Variants in QPRT observed in about 807,000 individuals in gnomAD.
QPRT encodes quinolinate phosphoribosyltransferase.
Under a neutral mutation model 19.8 loss-of-function variants are expected in QPRT, and 17 were observed. The ratio of observed to expected loss-of-function variants is 0.86; its 90% CI spans 0.59 to 1.29. QPRT has a LOEUF of 1.29. QPRT is among the 50% of genes most tolerant of loss of function. The probability of loss-of-function intolerance (pLI) is 0.00; values close to 1 mark genes in which losing one functional copy is unlikely to be tolerated. For synonymous variants in QPRT, 178 were observed against 191.0 expected (o/e 0.93, Z 0.56); for missense variants, 336 against 405.1 (o/e 0.83, Z 1.46).
chr16:29,679,421 C>T (rs1966924741), intron 1 of QPRT, among the ~76,000 whole-genome samples: 1 of 152,110 alleles, frequency 6.6e-6, no homozygotes, highest in Admixed American at 6.6e-5. Context: ...TGTGTTGAGT[C>T]CCCAAGGAGC....
chr16:29,690,983 C>G lies in QPRT; in HGVS notation c.14-3681C>G, dbSNP rs371667570. On this transcript the variant is annotated intron_variant, in intron 1 of 3. Transcript: ENST00000395384. ...GAATTACGGCGTGAGCCATGGTGCC[C>G]AGCCTGCATCACAGGTTGTTTACCC... Among the ~76,000 whole-genome samples, 39 of 152,140 alleles carry G rather than the reference C, an allele frequency of 2.6e-4. No homozygotes were observed. The South Asian group carries it at 8.1e-3, about 32-fold the overall frequency.
In QPRT at chr16:29,688,238, AC is replaced by A. The variant is rs1967219046; in HGVS notation, c.14-6424del. Among the ~76,000 whole-genome samples the A allele has an allele frequency of 2.6e-5, 4 of 151,994 alleles. No homozygotes were observed. The South Asian group carries it at 6.2e-4, about 24-fold the overall frequency. Reference sequence around the variant, plus strand: ...TGGGGGTTGGGGGTATTCTGACAAGACCAACCTAAAGGGATTCTTGCTGAGG... The same window carrying A: ...TGGGGGTTGGGGGTATTCTGACAAGACAACCTAAAGGGATTCTTGCTGAGG... On this transcript the variant is annotated intron_variant, in intron 1 of 3. Transcript: ENST00000395384.
intron 1 of QPRT, among the ~76,000 whole-genome samples, chr16:29,684,378 C>T (rs956245738): frequency 6.6e-6 from 1 of 152,176 alleles, no homozygotes; most frequent in Admixed American, 6.6e-5. Flanking sequence ...TTACTGCAAC[C>T]TCTGCCTCCC....
intron 1 of QPRT, among the ~76,000 whole-genome samples, chr16:29,693,856 C>T (rs1967428257): frequency 6.6e-6 from 1 of 152,070 alleles, no homozygotes. Context: ...TCCCAAAGTG[C>T]TGGGATTACA....
intron 1 of QPRT, among the ~76,000 whole-genome samples, chr16:29,680,081 C>T (rs1184315153): frequency 1.3e-5 from 2 of 151,844 alleles, no homozygotes; most frequent in African/African-American, 2.4e-5. Flanking sequence ...CCTCAGCCTC[C>T]CGAGTAGCTG....
chr16:29,690,194 A>G (rs1967284689), intron 1 of QPRT, among the ~76,000 whole-genome samples: 1 of 152,220 alleles, frequency 6.6e-6, no homozygotes, highest in Non-Finnish European at 1.5e-5. Context: ...ATGTCCCTGC[A>G]AAGAACGTAA....
intron 2 of QPRT, 102 bp downstream of exon 2, chr16:29,695,301 G>C: frequency 7.5e-7 from 1 of 1,329,776 alleles, no homozygotes; most frequent in Non-Finnish European, 1.0e-6. Context: ...GAACAGCCAT[G>C]GCCTGGAGTC....
intron 1 of QPRT, among the ~76,000 whole-genome samples, chr16:29,683,420 A>G (rs895336253): frequency 6.6e-6 from 1 of 151,548 alleles, no homozygotes; most frequent in African/African-American, 2.4e-5. Context: ...CAGTAGCTCC[A>G]TCATAGCTCA....
intron 1 of QPRT, among the ~76,000 whole-genome samples, chr16:29,681,163 G>A (rs942888032): frequency 1.3e-5 from 2 of 151,952 alleles, no homozygotes; most frequent in Non-Finnish European, 2.9e-5. Flanking sequence ...TTGAAACAAC[G>A]CCGACCTGGA....
chr16:29,694,544 C>A (rs1967455403), intron 1 of QPRT, 120 bp from the exon 2 acceptor site: 1 of 1,146,064 alleles, frequency 8.7e-7, no homozygotes, highest in Middle Eastern at 2.9e-4. Context: ...CCCCTGGGAC[C>A]CCTAGATCTT....
Position 29,694,883 on chromosome 16 carries a change from G to T in QPRT, c.233G>T (p.Gly78Val), listed in dbSNP as rs760480330. 1 of 1,613,952 alleles carries T rather than the reference G, an allele frequency of 6.2e-7. No individual in the cohort carries two copies. The highest frequency in any genetic ancestry group is 1.3e-5 in the African/African-American group (1 of 74,942). The change falls in exon 2 of 4, where the codon GGA becomes GTA. Residue 78 changes from glycine to valine, a missense_variant. Gly to Val is a moderately radical substitution (Grantham distance 109, BLOSUM62 -3). Coordinates refer to ENST00000395384, the MANE Select transcript of QPRT (RefSeq NM_014298.6). The stretch of plus-strand genomic sequence containing the variant: ...CAAGTCTCCTGGTTCCTCCCCGAGG[G>T]ATCGAAGCTGGTGCCGGTGGCCAGA... ...NCQVSWFLPEGSKLVPVARVA... is the reference protein window; with the variant it reads ...NCQVSWFLPEVSKLVPVARVA...
chr16:29,680,383 G>A (rs1372025336), intron 1 of QPRT, among the ~76,000 whole-genome samples: 1 of 152,140 alleles, frequency 6.6e-6, no homozygotes, highest in Non-Finnish European at 1.5e-5. Context: ...GTGTAAAGCC[G>A]CAGAGCAGGT....
intron 1 of QPRT, among the ~76,000 whole-genome samples, chr16:29,693,882 G>A (rs936464059): frequency 6.6e-6 from 1 of 151,538 alleles, no homozygotes; most frequent in Non-Finnish European, 1.5e-5. Flanking sequence ...GAGCCACCGC[G>A]CCTGGCCAGA....
rs1967273351 is a variant in QPRT at position 29,689,820 on chromosome 16, C to T, written c.14-4844C>T. On this transcript the variant is annotated intron_variant, in intron 1 of 3. Transcript: ENST00000395384. ...GGTGCTCGCAGCCCCTGTCACGTACCCCCTGGCTTGCTCAATCACGACCCT... is the reference window on the plus strand; with the variant it reads ...GGTGCTCGCAGCCCCTGTCACGTACTCCCTGGCTTGCTCAATCACGACCCT... Among the ~76,000 whole-genome samples the T allele has an allele frequency of 3.9e-5, 6 of 152,202 alleles. No homozygotes were observed. The South Asian group carries it at 1.2e-3, about 32-fold the overall frequency.
intron 1 of QPRT, among the ~76,000 whole-genome samples, chr16:29,683,077 T>A (rs1323067796): frequency 6.7e-6 from 1 of 148,838 alleles, no homozygotes; most frequent in Admixed American, 6.9e-5. Context: ...CAGGCTGGAG[T>A]GCAGTGGCGC....
At chr16:29,679,536 G>A (rs1319718119) in intron 1 of QPRT, among the ~76,000 whole-genome samples, 1 of 152,066 alleles carries the variant, frequency 6.6e-6, no homozygotes, top group Non-Finnish European at 1.5e-5. Flanking sequence ...CTGGTTGGGG[G>A]AGCAGCATGG....
chr16:29,679,139 C>T (rs1467465210), upstream of QPRT: 17 of 1,613,478 alleles, frequency 1.1e-5, no homozygotes, highest in Non-Finnish European at 1.4e-5. Context: ...CAGCCTGGGG[C>T]CTCTGGGAGC....
At chr16:29,681,490 A>ATTCT (rs1967001188) in intron 1 of QPRT, among the ~76,000 whole-genome samples, 1 of 69,746 alleles carries the variant, frequency 1.4e-5, no homozygotes, top group Non-Finnish European at 2.6e-5. Flanking sequence ...TCAGATCCAG[A>ATTCT]TTCTTTTTTT....
Position 29,695,300 on chromosome 16 carries a change from T to C in QPRT, c.549+101T>C, listed in dbSNP as rs577620668. On this transcript the variant is annotated intron_variant, in intron 2 of 3. Coordinates refer to ENST00000395384, the MANE Select transcript of QPRT (RefSeq NM_014298.6). ...CCAGCCATGACCGGGTGAACAGCCA[T>C]GGCCTGGAGTCAGCAACACAAGACT... The C allele has an allele frequency of 2.7e-5, 35 of 1,319,244 alleles. No individual in the cohort carries two copies. The African/African-American group carries it at 4.1e-4, about 15-fold the overall frequency. 81.7% of individuals were successfully genotyped at this position (1,319,244 alleles called of 1,614,324 possible). A position where few individuals can be genotyped will look rare whatever the true frequency, so the allele number is the denominator to read the frequency against.
Sources: allele counts gnomAD v4.1 joint callset (sites outside exome capture counted in the v4.1 genomes callset), GRCh38; gene constraint gnomAD v4.1.1; transcripts MANE v1.5; gene names NCBI Gene and HGNC (gene_info 2026-07-23, HGNC 2026-07-21).